The following NIN variants were observed in gnomAD, a reference collection of about 807,000 sequenced individuals.
The protein encoded by NIN is ninein.
NIN carries 137 observed loss-of-function variants against 257.6 expected under a neutral mutation model. The observed-to-expected ratio is 0.53, with a 90% CI of 0.46 to 0.61. NIN has a LOEUF of 0.61. Ranked by LOEUF, NIN falls within the 20% of genes least tolerant of loss-of-function variation. The pLI, the probability that NIN is intolerant of heterozygous loss-of-function variation, is 0.00. For missense variants in NIN, 2,439 were observed against 2,501.2 expected, an observed-to-expected ratio of 0.98 and a Z score of 0.53; for synonymous variants, 918 against 919.8, an observed-to-expected ratio of 1.00 and a Z score of 0.04.
At chr14:50,727,675 T>A in intron 29 of NIN, 1 of 1,441,370 alleles carries the variant, frequency 6.9e-7, no homozygotes, top group Non-Finnish European at 9.4e-7. Context: ...ATGCCATCAA[T>A]AGCAGCCCAG....
rs151233126 is a variant in NIN, at chr14:50,741,728, C to T, written c.5302G>A (p.Val1768Ile). The T allele has an allele frequency of 6.8e-6, 11 of 1,613,144 alleles. No homozygotes were observed. Among genetic ancestry groups the T allele is most frequent in the African/African-American group, 5.3e-5 (4 of 74,872 alleles). The change falls in exon 25 of 31, where the codon GTT (valine) becomes ATT (isoleucine). Residue 1768 changes from valine (V) to isoleucine (I), a missense_variant and splice_region_variant. Physicochemically the swap from Val to Ile is conservative, Grantham distance 29. Coordinates refer to ENST00000530997, the MANE Select transcript of NIN (RefSeq NM_020921.4). Reference protein sequence around the residue: ...KSQLVASQEKVQNLEDTVQNV... With the variant: ...KSQLVASQEKIQNLEDTVQNV... ...TGCACGGTGTCTTCTAAATTCTGAACCTGTATTGTGAGAATGATCTTTTAC... is the reference window on the plus strand; with the variant it reads ...TGCACGGTGTCTTCTAAATTCTGAATCTGTATTGTGAGAATGATCTTTTAC...
intron 9 of NIN, chr14:50,772,067 A>T: frequency 2.2e-6 from 1 of 449,438 alleles, no homozygotes; most frequent in Non-Finnish European, 4.0e-6. Flanking sequence ...AAATAAACAC[A>T]ATTGTAAGAG....
At chr14:50,814,006 T>G (rs1181263632) in intron 3 of NIN, among the ~76,000 whole-genome samples, 1 of 152,222 alleles carries the variant, frequency 6.6e-6, no homozygotes, top group East Asian at 1.9e-4. Flanking sequence ...AGTTTCATAA[T>G]GAAAGATACA....
intron 6 of NIN, 76 bp downstream of exon 6, chr14:50,778,689 G>C (rs2043012035): frequency 7.8e-7 from 1 of 1,273,892 alleles, no homozygotes; most frequent in African/African-American, 1.5e-5. Context: ...CAGCATAAGA[G>C]ATCAGAAAGA....
intron 2 of NIN, among the ~76,000 whole-genome samples, chr14:50,825,970 C>T (rs1247039740): frequency 6.6e-6 from 1 of 152,112 alleles, no homozygotes; most frequent in Non-Finnish European, 1.5e-5. Flanking sequence ...GGATTTAGGG[C>T]ATGAAAGAAA....
intron 3 of NIN, among the ~76,000 whole-genome samples, chr14:50,811,072 T>C (rs1054771554): frequency 6.6e-6 from 1 of 151,930 alleles, no homozygotes; most frequent in African/African-American, 2.4e-5. Context: ...ATGCTTAGTG[T>C]TGAGGCAAGG....
At chr14:50,744,005 T>G (rs763357288) in intron 23 of NIN, among the ~76,000 whole-genome samples, 1 of 152,254 alleles carries the variant, frequency 6.6e-6, no homozygotes, top group African/African-American at 2.4e-5. Context: ...CACTGTGATG[T>G]GATAAGAAAC....
chr14:50,785,416 C>T (rs2043305085), intron 5 of NIN, among the ~76,000 whole-genome samples: 1 of 152,242 alleles, frequency 6.6e-6, no homozygotes, highest in South Asian at 2.1e-4. Flanking sequence ...GGCATTCTTA[C>T]CCAGCAGAGG....
At chr14:50,755,230 G>A (rs1209533246) in intron 18 of NIN, among the ~76,000 whole-genome samples, 1 of 152,108 alleles carries the variant, frequency 6.6e-6, no homozygotes, top group Non-Finnish European at 1.5e-5. Context: ...ATACACATAA[G>A]CCATGTTACA....
At chr14:50,750,803 T>C (rs987219000) in intron 21 of NIN, among the ~76,000 whole-genome samples, 3 of 152,222 alleles carry the variant, frequency 2.0e-5, no homozygotes, top group Non-Finnish European at 2.9e-5. Context: ...AACGTTACTA[T>C]GGTTCTAAGA....
At chr14:50,771,528 C>T in intron 9 of NIN, 60 bp from the exon 10 acceptor site, 2 of 1,582,052 alleles carry the variant, frequency 1.3e-6, no homozygotes, top group Non-Finnish European at 1.7e-6. Context: ...CCTCTGAAAG[C>T]AGAAAATGTG....
chr14:50,770,951 C>T lies in NIN; in HGVS notation c.1160G>A (p.Arg387Gln), dbSNP rs768109226. Reference sequence around the variant, plus strand: ...CTTCTCGGCCTTGTCCAGATCTGACCGTAGCTTCTCTTTTTCTCTGACCAC... The same window carrying T: ...CTTCTCGGCCTTGTCCAGATCTGACTGTAGCTTCTCTTTTTCTCTGACCAC... ...DQVVREKEKLRSDLDKAEKLK... is the reference protein window; with the variant it reads ...DQVVREKEKLQSDLDKAEKLK... The change falls in exon 11 of 31, where the codon CGG becomes CAG. Residue 387 changes from arginine (R) to glutamine (Q), a missense_variant. Physicochemically the swap from Arg to Gln is conservative, Grantham distance 43. Transcript: ENST00000530997. 5.0e-6 allele frequency: 8 copies of T among 1,614,068 alleles called. No homozygotes were observed. The highest frequency in any genetic ancestry group is 5.9e-6 in the Non-Finnish European group (7 of 1,180,044).
At chr14:50,791,595 T>C (rs1361097177) in intron 5 of NIN, among the ~76,000 whole-genome samples, 1 of 152,186 alleles carries the variant, frequency 6.6e-6, no homozygotes, top group African/African-American at 2.4e-5. Context: ...AGCAGACTGG[T>C]CATGTGTCCT....
intron 17 of NIN, among the ~76,000 whole-genome samples, chr14:50,758,864 G>A (rs1269777151): frequency 6.6e-6 from 1 of 152,116 alleles, no homozygotes; most frequent in Non-Finnish European, 1.5e-5. Flanking sequence ...TGGAGTTAGG[G>A]GGAAATCTTA....
At chr14:50,810,694 C>T (rs1325900233) in intron 3 of NIN, among the ~76,000 whole-genome samples, 1 of 152,010 alleles carries the variant, frequency 6.6e-6, no homozygotes, top group Admixed American at 6.6e-5. Flanking sequence ...TGGAGTCTGG[C>T]TCTGTTGCCC....
chr14:50,733,206 C>A (rs1482912352), intron 28 of NIN, among the ~76,000 whole-genome samples: 1 of 152,094 alleles, frequency 6.6e-6, no homozygotes, highest in Non-Finnish European at 1.5e-5. Flanking sequence ...GATTCTCCTG[C>A]CTCAGCCTCC....
chr14:50,735,487 T>C (rs371799130), intron 28 of NIN, 29 bp downstream of exon 28: 4 of 1,609,534 alleles, frequency 2.5e-6, no homozygotes, highest in East Asian at 4.5e-5. Flanking sequence ...ATATTCTTCA[T>C]AGCTAAGGCC....
At chr14:50,755,648 C>CTTT (rs71118900) in intron 18 of NIN, among the ~76,000 whole-genome samples, 26 of 80,012 alleles carry the variant, frequency 3.2e-4, no homozygotes, top group African/African-American at 1.6e-3. Flanking sequence ...TGTTTTGTCT[C>CTTT]TTTTTTTTTT....
intron 5 of NIN, among the ~76,000 whole-genome samples, chr14:50,779,202 G>T (rs2043032919): frequency 6.6e-6 from 1 of 152,148 alleles, no homozygotes; most frequent in Non-Finnish European, 1.5e-5. Flanking sequence ...CTTTGTGCTA[G>T]GTACTGTGCT....
Sources: allele counts gnomAD v4.1 joint callset (sites outside exome capture counted in the v4.1 genomes callset), GRCh38; gene constraint gnomAD v4.1.1; transcripts MANE v1.5; gene names NCBI Gene and HGNC (gene_info 2026-07-23, HGNC 2026-07-21).